Variants in NBEAL1 observed in about 807,000 individuals in gnomAD.
NBEAL1 encodes the protein neurobeachin-like protein 1.
Under a neutral mutation model 351.3 loss-of-function variants are expected in NBEAL1, and 273 were observed. The ratio of observed to expected loss-of-function variants is 0.78; its 90% confidence interval spans 0.70 to 0.86. The LOEUF (loss-of-function observed/expected upper bound fraction) is 0.86, where lower values mean the gene tolerates loss of function less well. Ranked by LOEUF, NBEAL1 falls within the 40% of genes least tolerant of loss-of-function variation. The pLI is 0.00. For missense variants in NBEAL1, 2,961 were observed against 3,201.3 expected (o/e 0.92, Z 1.81); for synonymous variants, 1,050 against 1,086.4 (o/e 0.97, Z 0.66).
At chr2:203,194,520 GTC>G (rs2065181226) in intron 47 of NBEAL1, among the ~76,000 whole-genome samples, 1 of 152,110 alleles carries the variant, frequency 6.6e-6, no homozygotes, top group Non-Finnish European at 1.5e-5. Flanking sequence ...ACATTGAACA[GTC>G]TCTGCAATAC....
chr2:203,092,840 A>C (rs2062092844), intron 10 of NBEAL1, among the ~76,000 whole-genome samples: 1 of 152,216 alleles, frequency 6.6e-6, no homozygotes, highest in Non-Finnish European at 1.5e-5. Flanking sequence ...CACTGCAGTA[A>C]AGAATAGCAT....
intron 2 of NBEAL1, among the ~76,000 whole-genome samples, chr2:203,027,641 T>C (rs1478722376): frequency 1.3e-5 from 2 of 152,246 alleles, no homozygotes; most frequent in Non-Finnish European, 2.9e-5. Flanking sequence ...GATTTTTGTC[T>C]GTTCAAAATA....
intron 17 of NBEAL1, 59 bp from the exon 18 acceptor site, chr2:203,115,926 C>A: frequency 8.7e-7 from 1 of 1,144,294 alleles, no homozygotes; most frequent in Non-Finnish European, 1.3e-6. Flanking sequence ...TCTGATAACA[C>A]AGAACCAAGG....
In NBEAL1 at chr2:203,217,373, G is replaced by T; in HGVS notation, c.*19G>T. The T allele has an allele frequency of 6.4e-7, 1 of 1,556,610 alleles. No homozygotes were observed. The highest frequency in any genetic ancestry group is 8.7e-7 in the Non-Finnish European group (1 of 1,151,344). On this transcript the variant is annotated 3_prime_UTR_variant, in exon 56 of 56. Coordinates refer to ENST00000683969, the MANE Select transcript of NBEAL1 (RefSeq NM_001378026.1). ...CAAGTGATTGTTATTTCCATTTTCT[G>T]TTATGATTACTGAAACCTGATTTAT...
chr2:203,212,491 C>T (rs1021297983), intron 54 of NBEAL1, among the ~76,000 whole-genome samples: 7 of 151,548 alleles, frequency 4.6e-5, no homozygotes, highest in African/African-American at 1.7e-4. Flanking sequence ...CCTGTAGTCC[C>T]CAGATACTCA....
intron 51 of NBEAL1, among the ~76,000 whole-genome samples, chr2:203,203,685 G>T (rs576132589): frequency 6.6e-6 from 1 of 152,142 alleles, no homozygotes; most frequent in African/African-American, 2.4e-5. Context: ...CAGCCCGGGT[G>T]ACTGAGCAAG....
At chr2:203,165,518 C>T (rs2064106218) in intron 36 of NBEAL1, among the ~76,000 whole-genome samples, 1 of 152,146 alleles carries the variant, frequency 6.6e-6, no homozygotes, top group Non-Finnish European at 1.5e-5. Flanking sequence ...ACTAAAATGA[C>T]ATGACCAATA....
At position 203,204,325 on chromosome 2, in the gene NBEAL1, T is replaced by G. The variant is rs796441184; in HGVS notation, c.7506+1544T>G. On this transcript the variant is annotated intron_variant, in intron 51 of 55. Coordinates refer to ENST00000683969, the MANE Select transcript of NBEAL1 (RefSeq NM_001378026.1). The stretch of plus-strand genomic sequence containing the variant: ...TTAATTTGGTTTGGGGGTTTTTTGG[T>G]TTTTTTTTTTTTTTTTTGAGGCAGG... Among the ~76,000 whole-genome samples the G allele has an allele frequency of 1.9e-4, 25 of 132,856 alleles. No homozygotes were observed. The South Asian group carries it at 2.4e-3, about 13-fold the overall frequency. The allele number at this position is 132,856 out of a possible 152,430, so 87.2% of individuals were successfully genotyped here. A position where few individuals can be genotyped will look rare whatever the true frequency, so the allele number is the denominator to read the frequency against.
At chr2:203,018,373 C>A (rs1472606211) in intron 2 of NBEAL1, among the ~76,000 whole-genome samples, 1 of 151,902 alleles carries the variant, frequency 6.6e-6, no homozygotes, top group Non-Finnish European at 1.5e-5. Context: ...CTTCTTAGAC[C>A]TCTTTGTGAG....
chr2:203,119,450 G>A (rs1354342168), intron 18 of NBEAL1, among the ~76,000 whole-genome samples: 6 of 7,842 alleles, frequency 7.7e-4, no homozygotes, highest in Non-Finnish European at 4.9e-3. Context: ...TTTTTGAGAC[G>A]GAGTCTCGCT....
chr2:203,128,709 T>TG lies in NBEAL1; in HGVS notation c.3405+773dup, dbSNP rs1575011945. The stretch of plus-strand genomic sequence containing the variant: ...GCCTCCCAGGTTCAAGTGATTCTCC[T>TG]GCCTCAGCCTCCCGAGTAGCTGGGA... On this transcript the variant is annotated intron_variant, in intron 24 of 55. Coordinates refer to ENST00000683969, the MANE Select transcript of NBEAL1 (RefSeq NM_001378026.1). Among the ~76,000 whole-genome samples the TG allele has an allele frequency of 2.0e-5, 3 of 151,610 alleles. No individual in the cohort carries two copies. The East Asian group carries it at 5.9e-4, about 30-fold the overall frequency.
chr2:203,076,940 A>G (rs1159139357), intron 7 of NBEAL1, among the ~76,000 whole-genome samples: 2 of 152,158 alleles, frequency 1.3e-5, no homozygotes, highest in African/African-American at 4.8e-5. Flanking sequence ...GTAAAAATTG[A>G]CCATCACTAA....
chr2:203,158,815 G>GTTTTT (rs71034220), intron 36 of NBEAL1, among the ~76,000 whole-genome samples: 21 of 84,364 alleles, frequency 2.5e-4, no homozygotes, highest in African/African-American at 3.8e-4. Flanking sequence ...TTTCTGTAGG[G>GTTTTT]TTTTTTTTTT....
chr2:203,018,448 C>A (rs1384895563), intron 2 of NBEAL1, among the ~76,000 whole-genome samples: 2 of 29,084 alleles, frequency 6.9e-5, no homozygotes, highest in East Asian at 8.3e-4. Context: ...ACAAGACTTA[C>A]TCTTTGGGTC....
rs563882024 is a variant in NBEAL1 at position 203,139,527 on chromosome 2, A to T, written c.4848+779A>T. ...TATTAATAAGAACATGGAGAGGTTAAAATTCTGACAACAGGTTGCCCACCC... is the reference window on the plus strand; with the variant it reads ...TATTAATAAGAACATGGAGAGGTTATAATTCTGACAACAGGTTGCCCACCC... On this transcript the variant is annotated intron_variant, in intron 31 of 55. Transcript: ENST00000683969. 7.5e-5 allele frequency among the ~76,000 whole-genome samples: 11 copies of T among 147,310 alleles called. No individual in the cohort carries two copies. In the South Asian group the frequency reaches 2.3e-3, roughly 31 times the overall value.
At chr2:203,121,272 A>G (rs959824775) in intron 18 of NBEAL1, among the ~76,000 whole-genome samples, 1 of 151,910 alleles carries the variant, frequency 6.6e-6, no homozygotes, top group Non-Finnish European at 1.5e-5. Flanking sequence ...GTGCCTAGGG[A>G]AGTGCTAATG....
chr2:203,074,188 A>G (rs1007363542), intron 7 of NBEAL1, among the ~76,000 whole-genome samples: 1 of 152,228 alleles, frequency 6.6e-6, no homozygotes, highest in East Asian at 1.9e-4. Flanking sequence ...TCAAAATACC[A>G]TGTTGTTCAC....
intron 8 of NBEAL1, among the ~76,000 whole-genome samples, chr2:203,079,941 T>C (rs2061843568): frequency 6.6e-6 from 1 of 152,214 alleles, no homozygotes; most frequent in East Asian, 1.9e-4. Flanking sequence ...ACTTGTTTGA[T>C]AATGTATTTA....
chr2:203,019,585 A>T (rs72932590), intron 2 of NBEAL1, among the ~76,000 whole-genome samples: 8 of 152,280 alleles, frequency 5.3e-5, no homozygotes, highest in Middle Eastern at 3.4e-3. Context: ...GCTTCCGGGC[A>T]GTAAGGTTAA....
Sources: gnomAD v4.1 joint callset for allele counts (sites outside exome capture counted in the v4.1 genomes callset) on GRCh38, gnomAD v4.1.1 for gene constraint, MANE v1.5 for transcripts, NCBI Gene and HGNC (gene_info 2026-07-23, HGNC 2026-07-21) for gene names.